Variants in ADRA1B observed in about 807,000 individuals in gnomAD.
ADRA1B encodes the protein adrenoceptor alpha 1B, also known as alpha-1B adrenergic receptor.
A neutral mutation model predicts 17.9 loss-of-function variants in ADRA1B; 17 were observed. The ratio of observed to expected loss-of-function variants is 0.95; its 90% CI spans 0.65 to 1.42. The LOEUF is 1.42. ADRA1B is among the 40% of genes most tolerant of loss of function. ADRA1B has a pLI of 0.00. For missense variants in ADRA1B, 681 were observed against 722.1 expected (o/e 0.94, Z 0.65); for synonymous variants, 366 against 327.6 (o/e 1.12, Z -1.27).
intron 1 of ADRA1B, among the ~76,000 whole-genome samples, chr5:159,920,991 A>C (rs1413949487): frequency 6.6e-6 from 1 of 152,174 alleles, no homozygotes; most frequent in Admixed American, 6.5e-5. Flanking sequence ...CAAGATTTCC[A>C]TAGCTGTGTT....
intron 1 of ADRA1B, among the ~76,000 whole-genome samples, chr5:159,926,443 T>C (rs1754654282): frequency 6.6e-6 from 1 of 152,210 alleles, no homozygotes. Context: ...AATTGTCTTC[T>C]TGTCCTTCGT....
chr5:159,886,761 T>C (rs1753929692), intron 1 of ADRA1B, among the ~76,000 whole-genome samples: 1 of 152,096 alleles, frequency 6.6e-6, no homozygotes, highest in African/African-American at 2.4e-5. Flanking sequence ...CATGGTCTTA[T>C]AATTAAGCAG....
At chr5:159,913,237 T>G (rs533465058), upstream of ADRA1B, among the ~76,000 whole-genome samples, 40 of 152,314 alleles carry the variant, frequency 2.6e-4, no homozygotes, top group East Asian at 7.1e-3. Flanking sequence ...GCTCTGTGCT[T>G]GACTTTGCCC....
chr5:159,881,667 G>A (rs1753864755), intron 1 of ADRA1B, among the ~76,000 whole-genome samples: 3 of 152,220 alleles, frequency 2.0e-5, no homozygotes, highest in Non-Finnish European at 4.4e-5. Context: ...AGGATTCGAA[G>A]GCTGTCTTAG....
chr5:159,899,636 T>C (rs1168466203), intron 1 of ADRA1B, among the ~76,000 whole-genome samples: 1 of 152,156 alleles, frequency 6.6e-6, no homozygotes, highest in Admixed American at 6.5e-5. Context: ...TGGATCCCCC[T>C]GAAATGGTAC....
intron 1 of ADRA1B, among the ~76,000 whole-genome samples, chr5:159,933,261 G>A (rs1035729916): frequency 3.9e-5 from 6 of 152,134 alleles, no homozygotes; most frequent in African/African-American, 1.4e-4. Context: ...TAAATACTCT[G>A]TTACACACAT....
intron 1 of ADRA1B, chr5:159,948,588 C>A: frequency 2.1e-6 from 1 of 465,674 alleles, no homozygotes; most frequent in Non-Finnish European, 2.8e-6. Context: ...TAAACATAAC[C>A]ACTGAAATGT....
intron 1 of ADRA1B, chr5:159,948,107 G>A (rs1318463525): frequency 1.0e-6 from 1 of 985,314 alleles, no homozygotes; most frequent in Non-Finnish European, 1.2e-6. Context: ...GAAAGTCTCT[G>A]TACCTTCATC....
chr5:159,867,375 C>A (rs934378260), intron 1 of ADRA1B, among the ~76,000 whole-genome samples: 7 of 152,176 alleles, frequency 4.6e-5, no homozygotes, highest in African/African-American at 1.7e-4. Context: ...CTTTGCTAAG[C>A]TTTCAAGAAT....
At chr5:159,891,317 A>G (rs546189521) in intron 1 of ADRA1B, among the ~76,000 whole-genome samples, 46 of 152,258 alleles carry the variant, frequency 3.0e-4, no homozygotes, top group African/African-American at 1.0e-3. Flanking sequence ...AAATAAAACT[A>G]CACTGTATTA....
chr5:159,881,663 C>T (rs955679610), intron 1 of ADRA1B, among the ~76,000 whole-genome samples: 3 of 152,130 alleles, frequency 2.0e-5, no homozygotes, highest in East Asian at 1.9e-4. Flanking sequence ...AGCAAGGATT[C>T]GAAGGCTGTC....
chr5:159,881,090 C>T (rs933910477), intron 1 of ADRA1B, among the ~76,000 whole-genome samples: 3 of 145,980 alleles, frequency 2.1e-5, no homozygotes, highest in African/African-American at 7.6e-5. Context: ...AGGAGAATGG[C>T]GTGAACCCAG....
chr5:159,924,250 C>T (rs1405864875), intron 1 of ADRA1B, among the ~76,000 whole-genome samples: 2 of 150,386 alleles, frequency 1.3e-5, no homozygotes, highest in Admixed American at 6.7e-5. Context: ...TTTGATGGAA[C>T]GATGGTAATT....
chr5:159,868,941 C>A (rs993896060), intron 1 of ADRA1B: 7 of 152,186 alleles, frequency 4.6e-5, no homozygotes, highest in Non-Finnish European at 8.8e-5. Flanking sequence ...GGAAACTTAA[C>A]TTGACTCTAA....
intron 1 of ADRA1B, among the ~76,000 whole-genome samples, chr5:159,880,788 C>A (rs552800812): frequency 3.1e-4 from 47 of 152,302 alleles, no homozygotes; most frequent in African/African-American, 1.1e-3. Flanking sequence ...AGTCGTCTTC[C>A]ATTTCCTTAC....
chr5:159,899,944 GAAGT>G lies in ADRA1B; in HGVS notation c.-255-16171_-255-16168del, dbSNP rs201030975. Reference sequence around the variant, plus strand: ...GGAATGTACAGTGGATGTAAGATGAGAAGTAAGGCTGTAACTTTATTTTTTCCAA... The same window carrying G: ...GGAATGTACAGTGGATGTAAGATGAGAAGGCTGTAACTTTATTTTTTCCAA... On this transcript the variant is annotated intron_variant, in intron 1 of 2. Transcript: ENST00000641205. Among the ~76,000 whole-genome samples the G allele has an allele frequency of 4.2e-3, 634 of 152,356 alleles. 5 individuals are homozygous for G. The highest frequency in any genetic ancestry group is 0.014 in the Middle Eastern group (4 of 294).
chr5:159,947,750 T>C (rs1755316671), intron 1 of ADRA1B: 1 of 985,376 alleles, frequency 1.0e-6, no homozygotes, highest in Non-Finnish European at 1.2e-6. Flanking sequence ...AGGAAAGAAA[T>C]GAATGAGCAC....
At chr5:159,967,286 G>A (rs1264871863) in intron 1 of ADRA1B, among the ~76,000 whole-genome samples, 1 of 152,162 alleles carries the variant, frequency 6.6e-6, no homozygotes, top group Non-Finnish European at 1.5e-5. Flanking sequence ...AGCCAGACCT[G>A]GGATGGCTTA....
upstream of ADRA1B, among the ~76,000 whole-genome samples, chr5:159,914,730 T>G (rs942686145): frequency 6.6e-6 from 1 of 152,182 alleles, no homozygotes; most frequent in Admixed American, 6.5e-5. Flanking sequence ...AGAGCTTACC[T>G]CTAGGTTGAG....
Sources: allele counts gnomAD v4.1 joint callset (sites outside exome capture counted in the v4.1 genomes callset), GRCh38; gene constraint gnomAD v4.1.1; transcripts MANE v1.5; gene names NCBI Gene and HGNC (gene_info 2026-07-23, HGNC 2026-07-21).